The following DCT variants were observed in gnomAD, a reference collection of about 807,000 sequenced individuals.
DCT encodes dopachrome tautomerase.
DCT carries 47 observed loss-of-function variants against 53.0 expected under a neutral mutation model. That is an observed-to-expected ratio of 0.89 (90% CI 0.70 to 1.13). DCT has a LOEUF of 1.13. DCT is among the 50% of genes most tolerant of loss of function. The pLI is 0.00. For missense variants in DCT, 669 were observed against 637.4 expected, an observed-to-expected ratio of 1.05 and a Z score of -0.53; for synonymous variants, 244 against 237.0, an observed-to-expected ratio of 1.03 and a Z score of -0.27.
At chr13:94,453,892 T>C (rs1176876752) in intron 6 of DCT, among the ~76,000 whole-genome samples, 1 of 152,196 alleles carries the variant, frequency 6.6e-6, no homozygotes, top group African/African-American at 2.4e-5. Context: ...TACATCTTTA[T>C]CAGCAGCATG....
chr13:94,505,145 T>A, the DCT span, among the ~76,000 whole-genome samples: 1 of 151,354 alleles, frequency 6.6e-6, no homozygotes, highest in Non-Finnish European at 1.5e-5. Context: ...ATACTCTTTG[T>A]TATCCTGAAG....
the DCT span, among the ~76,000 whole-genome samples, chr13:94,534,507 C>T: frequency 1.3e-5 from 2 of 152,200 alleles, no homozygotes; most frequent in South Asian, 2.1e-4. Context: ...ACAACTGGCA[C>T]AAACAGGTGT....
rs1321860623 is a variant in DCT, at chr13:94,439,184, T to C, written c.*714A>G. 1 of 152,768 alleles carries C rather than the reference T, an allele frequency of 6.5e-6. No homozygotes were observed. The highest frequency in any genetic ancestry group is 2.4e-5 in the African/African-American group (1 of 41,458). The allele number at this position is 152,768 out of a possible 1,614,324, so 9.5% of individuals were successfully genotyped here. A position where few individuals can be genotyped will look rare whatever the true frequency, so the allele number is the denominator to read the frequency against. ...TGTATCCAGCTATTGAATCCTGTAA[T>C]ATAGGTCTACTGTTTAAAACTGCAG... is the stretch of plus-strand genomic sequence containing the variant. On this transcript the variant is annotated 3_prime_UTR_variant, in exon 8 of 8. Coordinates refer to ENST00000377028, the MANE Select transcript of DCT (RefSeq NM_001922.5).
At chr13:94,482,997 G>A (rs1254312802), upstream of DCT, among the ~76,000 whole-genome samples, 2 of 152,074 alleles carry the variant, frequency 1.3e-5, no homozygotes, top group African/African-American at 2.4e-5. Flanking sequence ...TTTTGGCCTG[G>A]CACAGTGGCT....
the DCT span, among the ~76,000 whole-genome samples, chr13:94,522,261 A>G: frequency 6.6e-6 from 1 of 152,048 alleles, no homozygotes; most frequent in African/African-American, 2.4e-5. Flanking sequence ...GGCACAATCT[A>G]ATCAGCTGCC....
At chr13:94,519,640 T>C in the DCT span, among the ~76,000 whole-genome samples, 1 of 152,204 alleles carries the variant, frequency 6.6e-6, no homozygotes, top group Non-Finnish European at 1.5e-5. Flanking sequence ...AATCCAACCA[T>C]GCTCAGCTTT....
the DCT span, among the ~76,000 whole-genome samples, chr13:94,495,456 G>A: frequency 6.6e-6 from 1 of 152,156 alleles, no homozygotes; most frequent in African/African-American, 2.4e-5. Flanking sequence ...CAGAAAGAAT[G>A]TACCCACTTC....
At chr13:94,534,698 T>C in the DCT span, among the ~76,000 whole-genome samples, 2 of 152,232 alleles carry the variant, frequency 1.3e-5, no homozygotes, top group East Asian at 3.8e-4. Context: ...TCGGCTGCCC[T>C]GGGCAGGGAG....
At chr13:94,448,243 TCAACAA>T (rs527876661) in intron 6 of DCT, among the ~76,000 whole-genome samples, 7 of 151,754 alleles carry the variant, frequency 4.6e-5, no homozygotes, top group East Asian at 3.9e-4. Context: ...AGATACTGTC[TCAACAA>T]CAACAACAAC....
intron 4 of DCT, among the ~76,000 whole-genome samples, chr13:94,464,311 C>G (rs941187927): frequency 6.6e-6 from 1 of 152,182 alleles, no homozygotes; most frequent in Non-Finnish European, 1.5e-5. Context: ...GTCTAAGGAC[C>G]TGGGACGAAA....
At chr13:94,482,403 C>T (rs1273924333), upstream of DCT, among the ~76,000 whole-genome samples, 1 of 152,190 alleles carries the variant, frequency 6.6e-6, no homozygotes, top group Non-Finnish European at 1.5e-5. Flanking sequence ...TTCCCTCTGT[C>T]TGGAATAATC....
chr13:94,442,090 G>T (rs1013512955), intron 7 of DCT, among the ~76,000 whole-genome samples: 1 of 151,954 alleles, frequency 6.6e-6, no homozygotes, highest in African/African-American at 2.4e-5. Context: ...GGCATCTAAG[G>T]CCCTCTGTAC....
intron 7 of DCT, among the ~76,000 whole-genome samples, chr13:94,442,201 T>C (rs1213912270): frequency 6.6e-6 from 1 of 152,238 alleles, no homozygotes; most frequent in African/African-American, 2.4e-5. Flanking sequence ...AGAGAGAGAC[T>C]GAGCTCTGAA....
the DCT span, among the ~76,000 whole-genome samples, chr13:94,518,656 A>G: frequency 1.3e-5 from 2 of 152,208 alleles, no homozygotes; most frequent in Non-Finnish European, 2.9e-5. Flanking sequence ...ACCTGGGACA[A>G]TAGCCTCTGC....
At chr13:94,525,640 C>T in the DCT span, among the ~76,000 whole-genome samples, 23 of 152,142 alleles carry the variant, frequency 1.5e-4, no homozygotes, top group South Asian at 2.1e-4. Context: ...TCATATTAAA[C>T]GCAACTCTTG....
the DCT span, among the ~76,000 whole-genome samples, chr13:94,496,354 C>A: frequency 6.6e-6 from 1 of 151,972 alleles, no homozygotes; most frequent in Non-Finnish European, 1.5e-5. Flanking sequence ...CCACCACACC[C>A]GGCTAATTTT....
At chr13:94,522,839 C>T in the DCT span, among the ~76,000 whole-genome samples, 1 of 152,182 alleles carries the variant, frequency 6.6e-6, no homozygotes, top group Non-Finnish European at 1.5e-5. Flanking sequence ...GTTACTGGCA[C>T]CGCCAGAACT....
At chr13:94,460,029 G>GA in intron 6 of DCT, 62 bp downstream of exon 6, 2 of 1,512,006 alleles carry the variant, frequency 1.3e-6, no homozygotes, top group Non-Finnish European at 1.8e-6. Context: ...TTAATTGTAT[G>GA]AAAAAATAAA....
At chr13:94,518,946 G>T in the DCT span, among the ~76,000 whole-genome samples, 31 of 151,992 alleles carry the variant, frequency 2.0e-4, no homozygotes, top group Admixed American at 2.0e-3. Flanking sequence ...TTCTTAGAAT[G>T]CACCAAGTTC....
Sources: gnomAD v4.1 joint callset for allele counts (sites outside exome capture counted in the v4.1 genomes callset) on GRCh38, gnomAD v4.1.1 for gene constraint, MANE v1.5 for transcripts, NCBI Gene and HGNC (gene_info 2026-07-23, HGNC 2026-07-21) for gene names.